The following STXBP4 variants were observed in gnomAD, a reference collection of about 807,000 sequenced individuals.
The protein encoded by STXBP4 is syntaxin-binding protein 4.
A neutral mutation model predicts 76.1 loss-of-function variants in STXBP4; 55 were observed. That is an observed-to-expected ratio of 0.72 (90% CI 0.58 to 0.91). The LOEUF (loss-of-function observed/expected upper bound fraction) is 0.91, where lower values mean the gene tolerates loss of function less well. STXBP4 is among the 40% of genes least tolerant of loss of function. The probability of loss-of-function intolerance (pLI) is 0.00; values close to 1 mark genes in which losing one functional copy is unlikely to be tolerated. For synonymous variants in STXBP4, 201 were observed against 220.2 expected (o/e 0.91, Z 0.77); for missense variants, 618 against 636.9 (o/e 0.97, Z 0.32).
chr17:55,209,287 C>A, the STXBP4 span, among the ~76,000 whole-genome samples: 1 of 152,156 alleles, frequency 6.6e-6, no homozygotes, highest in Non-Finnish European at 1.5e-5. Flanking sequence ...TTCTTTCTAA[C>A]AATTCATCTG....
At chr17:55,112,793 A>G (rs2079735148) in intron 16 of STXBP4, among the ~76,000 whole-genome samples, 1 of 152,152 alleles carries the variant, frequency 6.6e-6, no homozygotes, top group Non-Finnish European at 1.5e-5. Context: ...GACAGTTCAG[A>G]GGAGGAAGAG....
At chr17:54,997,547 A>G (rs998409975) in intron 4 of STXBP4, among the ~76,000 whole-genome samples, 5 of 146,212 alleles carry the variant, frequency 3.4e-5, no homozygotes, top group East Asian at 2.0e-4. Context: ...ATAAATATAT[A>G]TAATATAAAT....
intron 10 of STXBP4, among the ~76,000 whole-genome samples, chr17:55,042,378 T>C (rs926455804): frequency 2.0e-5 from 3 of 152,222 alleles, no homozygotes; most frequent in Non-Finnish European, 4.4e-5. Flanking sequence ...TCTGCACATA[T>C]AAGTTTCCAA....
chr17:55,053,418 A>G (rs1479942098), intron 12 of STXBP4, among the ~76,000 whole-genome samples: 1 of 152,110 alleles, frequency 6.6e-6, no homozygotes, highest in Non-Finnish European at 1.5e-5. Context: ...ACATATATGA[A>G]TAAATATGTG....
At chr17:55,188,628 C>T in the STXBP4 span, among the ~76,000 whole-genome samples, 1 of 152,214 alleles carries the variant, frequency 6.6e-6, no homozygotes, top group Admixed American at 6.5e-5. Flanking sequence ...CTTTGTCTCA[C>T]TCAAAAAGCA....
intron 16 of STXBP4, among the ~76,000 whole-genome samples, chr17:55,128,357 C>T (rs554044805): frequency 3.6e-4 from 54 of 151,462 alleles, no homozygotes; most frequent in Non-Finnish European, 6.6e-4. Flanking sequence ...GAAGTTACCA[C>T]GCTGGGTGAA....
intron 16 of STXBP4, among the ~76,000 whole-genome samples, chr17:55,117,944 G>A (rs1320842555): frequency 6.6e-6 from 1 of 151,814 alleles, no homozygotes; most frequent in East Asian, 1.9e-4. Context: ...TGCTTTTTAG[G>A]GAATAACTGG....
chr17:54,974,808 C>T (rs1192329799), intron 1 of STXBP4, among the ~76,000 whole-genome samples: 1 of 150,898 alleles, frequency 6.6e-6, no homozygotes, highest in African/African-American at 2.5e-5. Flanking sequence ...CATAGGCACT[C>T]TGCCCAGAAT....
intron 4 of STXBP4, 69 bp downstream of exon 4, chr17:54,991,026 T>C (rs1413468268): frequency 7.0e-7 from 1 of 1,425,584 alleles, no homozygotes; most frequent in Non-Finnish European, 9.2e-7. Context: ...GTTTATTTTT[T>C]CTTCTTTATT....
In STXBP4 at chr17:55,052,257, G is replaced by T. The variant is rs533513980; in HGVS notation, c.1011+5103G>T. 1.1e-3 allele frequency among the ~76,000 whole-genome samples: 173 copies of T among 152,232 alleles called. 4 individuals carry two copies. The Middle Eastern group carries it at 0.014, about 12-fold the overall frequency. On this transcript the variant is annotated intron_variant, in intron 12 of 17. Coordinates refer to ENST00000376352, the MANE Select transcript of STXBP4 (RefSeq NM_178509.6). ...AATATCTTAATATGCCAGAAAATAA[G>T]GACGTGCTCAAAATGACAGGGGCAT...
intron 4 of STXBP4, among the ~76,000 whole-genome samples, chr17:54,996,737 A>G (rs1453852612): frequency 6.6e-6 from 1 of 152,200 alleles, no homozygotes; most frequent in African/African-American, 2.4e-5. Flanking sequence ...TTGTAAAAGT[A>G]CAGGAAAGGA....
At chr17:55,108,901 T>C (rs955307980) in intron 16 of STXBP4, among the ~76,000 whole-genome samples, 4 of 152,186 alleles carry the variant, frequency 2.6e-5, no homozygotes, top group Non-Finnish European at 5.9e-5. Flanking sequence ...ATGTTTTAAT[T>C]CATTCCTAAT....
At chr17:55,048,866 C>G (rs2078824177) in intron 12 of STXBP4, among the ~76,000 whole-genome samples, 1 of 151,730 alleles carries the variant, frequency 6.6e-6, no homozygotes, top group Non-Finnish European at 1.5e-5. Context: ...GAACTATAAT[C>G]CAAGAAAACT....
intron 17 of STXBP4, among the ~76,000 whole-genome samples, chr17:55,156,821 T>C (rs2080282590): frequency 6.6e-6 from 1 of 152,226 alleles, no homozygotes; most frequent in African/African-American, 2.4e-5. Flanking sequence ...ATATTACTTT[T>C]GTATTTGGAG....
At position 55,118,735 on chromosome 17, in the gene STXBP4, T is replaced by G. The variant is rs545333858; in HGVS notation, c.1490-22575T>G. Among the ~76,000 whole-genome samples, 60 of 151,622 alleles carry G rather than the reference T, an allele frequency of 4.0e-4. 1 individual carries two copies. Among genetic ancestry groups the G allele is most frequent in the African/African-American group, 1.4e-3 (59 of 41,374 alleles). ...AAGAAGAAACTGGACTAAAAAGGAGTGTTCAGAAAGATAGAAGGAAAATTA... is the reference window on the plus strand; with the variant it reads ...AAGAAGAAACTGGACTAAAAAGGAGGGTTCAGAAAGATAGAAGGAAAATTA... On this transcript the variant is annotated intron_variant, in intron 16 of 17. Coordinates refer to ENST00000376352, the MANE Select transcript of STXBP4 (RefSeq NM_178509.6).
At chr17:55,200,636 T>C in the STXBP4 span, among the ~76,000 whole-genome samples, 1 of 152,186 alleles carries the variant, frequency 6.6e-6, no homozygotes, top group African/African-American at 2.4e-5. Context: ...TTCACTGGTC[T>C]TTCCTCACCC....
At chr17:55,000,991 T>C in intron 7 of STXBP4, 108 bp downstream of exon 7, 1 of 732,994 alleles carries the variant, frequency 1.4e-6, no homozygotes, top group Non-Finnish European at 2.2e-6. Flanking sequence ...TATGTCTTTG[T>C]TCCTTCAGTG....
At chr17:55,143,513 G>A (rs1444492789) in intron 17 of STXBP4, among the ~76,000 whole-genome samples, 1 of 152,184 alleles carries the variant, frequency 6.6e-6, no homozygotes, top group Admixed American at 6.6e-5. Context: ...AACAAGTGAT[G>A]GTCAGCCAGA....
At chr17:55,082,960 A>G (rs1337191995) in intron 16 of STXBP4, among the ~76,000 whole-genome samples, 5 of 150,110 alleles carry the variant, frequency 3.3e-5, no homozygotes, top group African/African-American at 1.3e-4. Context: ...AGTTGCATGC[A>G]AGAAAGCATT....
Sources: gnomAD v4.1 joint callset for allele counts (sites outside exome capture counted in the v4.1 genomes callset) on GRCh38, gnomAD v4.1.1 for gene constraint, MANE v1.5 for transcripts, NCBI Gene and HGNC (gene_info 2026-07-23, HGNC 2026-07-21) for gene names.